Variants in ELP2 observed in about 807,000 individuals in gnomAD.
The protein encoded by ELP2 is elongator complex protein 2.
ELP2 carries 90 observed loss-of-function variants against 119.2 expected under a neutral mutation model. The ratio of observed to expected loss-of-function variants is 0.75; its 90% CI spans 0.64 to 0.90. The LOEUF is 0.90. Among genes scored for constraint, ELP2 ranks in the 40% least tolerant of loss-of-function variants. ELP2 has a pLI of 0.00. For missense variants in ELP2, 921 were observed against 967.8 expected, an observed-to-expected ratio of 0.95 and a Z score of 0.64; for synonymous variants, 339 against 331.0, an observed-to-expected ratio of 1.02 and a Z score of -0.26.
Position 36,129,996 on chromosome 18 carries a change from C to T in ELP2, c.63C>T (p.Val21=). 6.2e-7 allele frequency: 1 copy of T among 1,614,162 alleles called. No homozygotes were observed. ...GCTGCCCAAACCGGGTGCGGGGAGTCCTGAACTGGAGCTCTGGGCCCAGAG... is the reference window on the plus strand; with the variant it reads ...GCTGCCCAAACCGGGTGCGGGGAGTTCTGAACTGGAGCTCTGGGCCCAGAG... ...VFCCPNRVRG[V]LNWSSGPRGL... The change falls in exon 1 of 22, where the codon GTC becomes GTT. Residue 21 remains valine, a synonymous_variant. Transcript: ENST00000358232.
chr18:36,137,146 G>A (rs1004228061), intron 3 of ELP2: 1 of 152,158 alleles, frequency 6.6e-6, no homozygotes, highest in Admixed American at 6.5e-5. Flanking sequence ...ATGCATAATA[G>A]AGATTCTATT....
chr18:36,146,156 T>C, intron 10 of ELP2, 94 bp from the exon 11 acceptor site: 2 of 1,579,092 alleles, frequency 1.3e-6, no homozygotes, highest in Admixed American at 3.3e-5. Flanking sequence ...TACATTAAAA[T>C]AGTGGGAATT....
chr18:36,141,127 C>A lies in ELP2; in HGVS notation c.524-10C>A. 1 of 1,612,350 alleles carries A rather than the reference C, an allele frequency of 6.2e-7. No homozygotes were observed. The highest frequency in any genetic ancestry group is 8.5e-7 in the Non-Finnish European group (1 of 1,178,506). On this transcript the variant is annotated splice_polypyrimidine_tract_variant and intron_variant, in intron 5 of 21. Transcript: ENST00000358232. ...GAACTCACAGTGAAGCCTGTTTTTT[C>A]TTCCCCCAGTACCAATATTAGCATG...
At position 36,177,856 on chromosome 18, in the gene ELP2, T is replaced by G. The variant is rs2091260868; in HGVS notation, c.*3215T>G. 1 of 152,216 alleles carries G rather than the reference T, an allele frequency of 6.6e-6. No individual in the cohort carries two copies. Among genetic ancestry groups the G allele is most frequent in the Admixed American group, 6.5e-5 (1 of 15,286 alleles). The allele number at this position is 152,216 out of a possible 1,614,324, so 9.4% of individuals were successfully genotyped here. A position where few individuals can be genotyped will look rare whatever the true frequency, so the allele number is the denominator to read the frequency against. ...GAATTTTCAGTGTGGAGGGTCTGGC[T>G]CATAGCATTTCACAAACATTATACT... On this transcript the variant is annotated 3_prime_UTR_variant, in exon 22 of 22. Coordinates refer to ENST00000358232, the MANE Select transcript of ELP2 (RefSeq NM_018255.4).
intron 4 of ELP2, 77 bp from the exon 5 acceptor site, chr18:36,138,718 A>G: frequency 2.5e-6 from 3 of 1,213,906 alleles, no homozygotes; most frequent in South Asian, 1.2e-5. Context: ...TGGGGCTGTG[A>G]TGATGCTATC....
rs560556624 is a variant in ELP2, at chr18:36,130,908, C to G, written c.138+837C>G. Among the ~76,000 whole-genome samples, 4 of 152,220 alleles carry G rather than the reference C, an allele frequency of 2.6e-5. No homozygotes were observed. In the South Asian group the frequency reaches 6.2e-4, roughly 24 times the overall value. On this transcript the variant is annotated intron_variant, in intron 1 of 21. Transcript: ENST00000358232. The stretch of plus-strand genomic sequence containing the variant: ...TATTGGCCAGGAGCGTGTCTCATGT[C>G]TGTAATCCCGGCACTTTGGGAGGCA...
At chr18:36,164,446 A>G (rs1645397481) in intron 17 of ELP2, 29 bp from the exon 18 acceptor site, 3 of 1,587,292 alleles carry the variant, frequency 1.9e-6, no homozygotes, top group Non-Finnish European at 2.6e-6. Context: ...TTTACTTACT[A>G]GCTTCATTGT....
At chr18:36,160,091 G>T in intron 16 of ELP2, 76 bp downstream of exon 16, 1 of 1,387,890 alleles carries the variant, frequency 7.2e-7, no homozygotes, top group South Asian at 1.2e-5. Context: ...CCCACAATCT[G>T]ATGTCTCCTT....
intron 11 of ELP2, among the ~76,000 whole-genome samples, chr18:36,153,449 C>G (rs541498308): frequency 6.6e-6 from 1 of 152,278 alleles, no homozygotes; most frequent in South Asian, 2.1e-4. Flanking sequence ...TACACCACAG[C>G]AATCATTAAC....
chr18:36,169,803 C>T (rs2091023158), intron 19 of ELP2: 2 of 503,060 alleles, frequency 4.0e-6, no homozygotes, highest in Non-Finnish European at 3.6e-6. Context: ...GCATGTTAGA[C>T]ACCTCTCTGT....
rs745890911 is a variant in ELP2, at chr18:36,175,421, G to C, written c.*780G>C. The C allele has an allele frequency of 1.3e-5, 2 of 152,134 alleles. No homozygotes were observed. The highest frequency in any genetic ancestry group is 2.9e-5 in the Non-Finnish European group (2 of 68,024). 9.4% of individuals were successfully genotyped at this position (152,134 alleles called of 1,614,324 possible). A position where few individuals can be genotyped will look rare whatever the true frequency, so the allele number is the denominator to read the frequency against. On this transcript the variant is annotated 3_prime_UTR_variant, in exon 22 of 22. Coordinates refer to ENST00000358232, the MANE Select transcript of ELP2 (RefSeq NM_018255.4). ...CATCTGCCAGACATTGTAGAGTTTC[G>C]CAAGCAGTTGTAGGTTTGAGCTGCA...
At chr18:36,159,701 G>C in intron 14 of ELP2, 34 bp from the exon 15 acceptor site, 1 of 1,480,690 alleles carries the variant, frequency 6.8e-7, no homozygotes, top group Non-Finnish European at 9.4e-7. Flanking sequence ...TATAAAAATA[G>C]TGACTATATT....
chr18:36,166,051 G>A (rs183760344), intron 18 of ELP2, among the ~76,000 whole-genome samples: 3 of 151,884 alleles, frequency 2.0e-5, no homozygotes, highest in East Asian at 3.9e-4. Flanking sequence ...AGATTAGCCA[G>A]GCATGGTGGT....
chr18:36,155,016 AT>A lies in ELP2; in HGVS notation c.1275+20del, dbSNP rs2090522089. 6.2e-7 allele frequency: 1 copy of A among 1,602,460 alleles called. No homozygotes were observed. Among genetic ancestry groups the A allele is most frequent in the Non-Finnish European group, 8.5e-7 (1 of 1,170,262 alleles). On this transcript the variant is annotated intron_variant, in intron 12 of 21. Coordinates refer to ENST00000358232, the MANE Select transcript of ELP2 (RefSeq NM_018255.4). ...CAATCACAGGTAAAATGTCTTATTTATTTATTTATTTTTTCTTGGGACAGAG... is the reference window on the plus strand; with the variant it reads ...CAATCACAGGTAAAATGTCTTATTTATTATTTATTTTTTCTTGGGACAGAG...
At chr18:36,139,937 C>T (rs2144611932) in intron 5 of ELP2, among the ~76,000 whole-genome samples, 1 of 150,854 alleles carries the variant, frequency 6.6e-6, no homozygotes, top group South Asian at 2.1e-4. Flanking sequence ...CAGCCTCAAA[C>T]TCCTGGGCTC....
At chr18:36,130,251 C>T (rs2089556290) in intron 1 of ELP2, among the ~76,000 whole-genome samples, 180 bp downstream of exon 1, 1 of 152,190 alleles carries the variant, frequency 6.6e-6, no homozygotes, top group Admixed American at 6.5e-5. Context: ...CACCCCTCAC[C>T]CTTTGCCGTC....
chr18:36,133,998 C>T (rs540836439), intron 2 of ELP2, among the ~76,000 whole-genome samples: 119 of 145,940 alleles, frequency 8.2e-4, no homozygotes, highest in African/African-American at 2.6e-3. Context: ...CGAGCTCCGC[C>T]TCCCGGGTTC....
At position 36,136,296 on chromosome 18, in the gene ELP2, A is replaced by AT. The variant is rs1156740494; in HGVS notation, c.218-4dup. ...GAATAAAGATATTTACTGAGATATA[A>AT]TTTTTTTCAGCCCCTTCTACTGAAT... On this transcript the variant is annotated splice_polypyrimidine_tract_variant and intron_variant, in intron 2 of 21. Transcript: ENST00000358232. 4.4e-6 allele frequency: 7 copies of AT among 1,601,192 alleles called. No homozygotes were observed. Among genetic ancestry groups the AT allele is most frequent in the Non-Finnish European group, 6.0e-6 (7 of 1,168,458 alleles).
intron 11 of ELP2, among the ~76,000 whole-genome samples, chr18:36,153,981 G>T (rs1320569801): frequency 1.3e-5 from 2 of 150,954 alleles, no homozygotes; most frequent in Non-Finnish European, 2.9e-5. Context: ...GCTGTCCATT[G>T]CTCAAAACTT....
Sources: gnomAD v4.1 joint callset for allele counts (sites outside exome capture counted in the v4.1 genomes callset) on GRCh38, gnomAD v4.1.1 for gene constraint, MANE v1.5 for transcripts, NCBI Gene and HGNC (gene_info 2026-07-23, HGNC 2026-07-21) for gene names.